AK5: variants seen among roughly 807,000 people sequenced by gnomAD.
AK5 encodes the protein adenylate kinase isoenzyme 5.
AK5 carries 27 observed loss-of-function variants against 69.5 expected under a neutral mutation model. The ratio of observed to expected loss-of-function variants is 0.39; its 90% CI spans 0.29 to 0.54. AK5 has a LOEUF of 0.54. Among genes scored for constraint, AK5 ranks in the 20% least tolerant of loss-of-function variants. The probability of loss-of-function intolerance (pLI) is 0.71; values close to 1 mark genes in which losing one functional copy is unlikely to be tolerated. For synonymous variants in AK5, 260 were observed against 244.4 expected (o/e 1.06, Z -0.60); for missense variants, 531 against 700.4 (o/e 0.76, Z 2.73).
At chr1:77,344,506 T>C (rs1277019905) in intron 6 of AK5, among the ~76,000 whole-genome samples, 1 of 152,192 alleles carries the variant, frequency 6.6e-6, no homozygotes, top group East Asian at 1.9e-4. Flanking sequence ...TTAGTTTAGA[T>C]ATTGCTGGAT....
chr1:77,363,400 G>C (rs1646898465), intron 6 of AK5, among the ~76,000 whole-genome samples: 1 of 152,088 alleles, frequency 6.6e-6, no homozygotes, highest in Admixed American at 6.5e-5. Context: ...CTCTTAACTG[G>C]TCTTCCTGCT....
At chr1:77,549,001 G>A (rs1057176643) in intron 13 of AK5, among the ~76,000 whole-genome samples, 16 of 138,730 alleles carry the variant, frequency 1.2e-4, no homozygotes, top group African/African-American at 4.1e-4. Context: ...TTAGCCTCCC[G>A]AGTAGCAGGA....
At position 77,546,897 on chromosome 1, in the gene AK5, A is replaced by C. The variant is rs76007572; in HGVS notation, c.1620+10859A>C. On this transcript the variant is annotated intron_variant, in intron 13 of 13. Coordinates refer to ENST00000354567, the MANE Select transcript of AK5 (RefSeq NM_174858.3). ...GAGCTGGGTCCTAAAGGATGAAGAG[A>C]AACTCAAGCCAGATGAAGGAGAAGG... Among the ~76,000 whole-genome samples the C allele has an allele frequency of 1.0e-3, 154 of 152,348 alleles. 5 individuals are homozygous for C. The East Asian group carries it at 0.029, about 29-fold the overall frequency.
chr1:77,539,330 C>T (rs1220937673), intron 13 of AK5, among the ~76,000 whole-genome samples: 1 of 152,190 alleles, frequency 6.6e-6, no homozygotes, highest in East Asian at 1.9e-4. Context: ...TTTGGAGATG[C>T]TGGCTGCTGG....
At chr1:77,552,140 T>C (rs1428386420) in intron 13 of AK5, among the ~76,000 whole-genome samples, 1 of 152,230 alleles carries the variant, frequency 6.6e-6, no homozygotes, top group Non-Finnish European at 1.5e-5. Context: ...TCTGATCATA[T>C]TGGTCTGTCT....
intron 8 of AK5, among the ~76,000 whole-genome samples, chr1:77,461,219 G>A (rs28878211): frequency 0.019 from 2,889 of 151,060 alleles, 85 homozygotes; most frequent in East Asian, 0.12. Context: ...ATTTTTAGTA[G>A]AGATGGGGTT....
rs1309048886 is a variant in AK5 at position 77,329,205 on chromosome 1, A to AG, written c.700-11172_700-11171insG. ...TTGTCTCCCTCAGTGAAAAAAAAAAAAAAAGCTTTTTTTTTTCATTTTCAT... is the reference window on the plus strand; with the variant it reads ...TTGTCTCCCTCAGTGAAAAAAAAAAAGAAAAGCTTTTTTTTTTCATTTTCAT... On this transcript the variant is annotated intron_variant, in intron 5 of 13. Coordinates refer to ENST00000354567, the MANE Select transcript of AK5 (RefSeq NM_174858.3). 4.3e-4 allele frequency among the ~76,000 whole-genome samples: 65 copies of AG among 149,726 alleles called. 1 individual carries two copies. Among genetic ancestry groups the AG allele is most frequent in the African/African-American group, 1.6e-3 (63 of 40,284 alleles).
intron 8 of AK5, among the ~76,000 whole-genome samples, chr1:77,429,060 ATG>A (rs952133419): frequency 2.0e-3 from 300 of 151,884 alleles, no homozygotes; most frequent in African/African-American, 7.0e-3. Flanking sequence ...CAATAAACAT[ATG>A]TGTGTGTGTG....
In AK5 at chr1:77,293,798, C is replaced by T; in HGVS notation, c.253C>T (p.Pro85Ser). 1 of 1,599,864 alleles carries T rather than the reference C, an allele frequency of 6.3e-7. No homozygotes were observed. Among genetic ancestry groups the T allele is most frequent in the Non-Finnish European group, 8.5e-7 (1 of 1,175,002 alleles). ...GTTATCTTACTCTTTTGCAGTAATG[C>T]CTGAAAACTCAAACTTTCCATATCG... The part of the protein sequence containing the change: ...SRRSFLRNVM[P>S]ENSNFPYRRY... Residue 85 changes from proline to serine, a missense_variant, in exon 3 of 14, where the codon CCT (proline) becomes TCT (serine). Transcript: ENST00000354567.
At chr1:77,458,274 C>T (rs1166583948) in intron 8 of AK5, among the ~76,000 whole-genome samples, 2 of 152,064 alleles carry the variant, frequency 1.3e-5, no homozygotes, top group Non-Finnish European at 2.9e-5. Flanking sequence ...AAATCTCTCA[C>T]TCCTCTATTG....
At chr1:77,350,000 C>T (rs1243913051) in intron 6 of AK5, among the ~76,000 whole-genome samples, 1 of 152,188 alleles carries the variant, frequency 6.6e-6, no homozygotes, top group Admixed American at 6.5e-5. Context: ...CAACAGTGAT[C>T]CTCCTTTTAC....
At chr1:77,315,512 T>A (rs1233549485) in intron 5 of AK5, among the ~76,000 whole-genome samples, 1 of 152,126 alleles carries the variant, frequency 6.6e-6, no homozygotes, top group Non-Finnish European at 1.5e-5. Flanking sequence ...AAAATGAAAC[T>A]ACTTTGAAGA....
chr1:77,427,924 T>G (rs1651322262), intron 8 of AK5, among the ~76,000 whole-genome samples: 1 of 152,216 alleles, frequency 6.6e-6, no homozygotes, highest in Non-Finnish European at 1.5e-5. Context: ...AGTGTCCTTG[T>G]TCACAGATGA....
chr1:77,473,528 G>A (rs144603770), intron 8 of AK5, among the ~76,000 whole-genome samples: 11 of 152,150 alleles, frequency 7.2e-5, no homozygotes, highest in Non-Finnish European at 1.6e-4. Context: ...GACAGCTACG[G>A]ACATTAAACA....
chr1:77,444,250 A>G (rs1272163540), intron 8 of AK5, among the ~76,000 whole-genome samples: 2 of 26,266 alleles, frequency 7.6e-5, no homozygotes, highest in Admixed American at 1.2e-3. Context: ...TATATACACA[A>G]CATATGTGTA....
chr1:77,318,716 C>CT lies in AK5; in HGVS notation c.699+20780dup, dbSNP rs113209635. Among the ~76,000 whole-genome samples, 382 of 146,068 alleles carry CT rather than the reference C, an allele frequency of 2.6e-3. 2 individuals are homozygous for CT. The highest frequency in any genetic ancestry group is 7.1e-3 in the Middle Eastern group (2 of 282). ...CACTGCTTGTCTCTCTTCAGTGGGT[C>CT]TTTTTTTTTTTCTGCTTGTCCAGTC... On this transcript the variant is annotated intron_variant, in intron 5 of 13. Transcript: ENST00000354567.
chr1:77,433,391 A>T (rs1651767090), intron 8 of AK5, among the ~76,000 whole-genome samples: 1 of 152,182 alleles, frequency 6.6e-6, no homozygotes, highest in South Asian at 2.1e-4. Flanking sequence ...TGATTTGACC[A>T]TACGGTAATC....
intron 8 of AK5, among the ~76,000 whole-genome samples, chr1:77,459,708 C>G (rs1653709544): frequency 1.3e-5 from 2 of 152,140 alleles, no homozygotes; most frequent in South Asian, 4.1e-4. Context: ...CACCTCTATA[C>G]CCCAGCAGCT....
At chr1:77,478,608 A>G (rs80145680) in intron 8 of AK5, among the ~76,000 whole-genome samples, 1,552 of 152,296 alleles carry the variant, frequency 0.01, 34 homozygotes, top group East Asian at 0.078. Context: ...TATCAGCTGT[A>G]TGAAAACAAA....
Sources: gnomAD v4.1 joint callset for allele counts (sites outside exome capture counted in the v4.1 genomes callset) on GRCh38, gnomAD v4.1.1 for gene constraint, MANE v1.5 for transcripts, NCBI Gene and HGNC (gene_info 2026-07-23, HGNC 2026-07-21) for gene names.